N4BP1: variants seen among roughly 807,000 people sequenced by gnomAD.
N4BP1 encodes NEDD4-binding protein 1.
A neutral mutation model predicts 70.9 loss-of-function variants in N4BP1; 21 were observed. The ratio of observed to expected loss-of-function variants is 0.30; its 90% CI spans 0.21 to 0.43. The LOEUF is 0.43. Among genes scored for constraint, N4BP1 ranks in the 20% least tolerant of loss-of-function variants. The pLI is 1.00. For synonymous variants in N4BP1, 387 were observed against 394.6 expected (o/e 0.98, Z 0.23); for missense variants, 936 against 1,069.4 (o/e 0.88, Z 1.74).
At chr16:48,548,837 CAAA>C (rs34869645) in intron 4 of N4BP1, among the ~76,000 whole-genome samples, 11 of 71,730 alleles carry the variant, frequency 1.5e-4, no homozygotes, top group Admixed American at 3.3e-4. Context: ...GAGACTGCTT[CAAA>C]AAAAAAAAAA....
rs1964477443 is a variant in N4BP1 at position 48,600,400 on chromosome 16, A to AAT, written c.198+9373_198+9374dup. On this transcript the variant is annotated intron_variant, in intron 1 of 6. Coordinates refer to ENST00000262384, the MANE Select transcript of N4BP1 (RefSeq NM_153029.4). Reference sequence around the variant, plus strand: ...GAAAAACATAGAAATGAAACCATCAAATACCAGTGAGAGCTATGGAATAAA... The same window carrying AAT: ...GAAAAACATAGAAATGAAACCATCAAATATACCAGTGAGAGCTATGGAATAAA... 4 of 697,572 alleles carry AAT rather than the reference A, an allele frequency of 5.7e-6. No homozygotes were observed. In the Admixed American group the frequency reaches 7.2e-5, roughly 13 times the overall value. 43.2% of individuals were successfully genotyped at this position (697,572 alleles called of 1,614,324 possible).
At chr16:48,594,018 A>AC (rs1555499331) in intron 1 of N4BP1, among the ~76,000 whole-genome samples, 3 of 128,714 alleles carry the variant, frequency 2.3e-5, no homozygotes, top group African/African-American at 9.6e-5. Flanking sequence ...AAAAAAAAAA[A>AC]CAAAAAAAAA....
rs988231246 is a variant in N4BP1, at chr16:48,609,730, G to A, written c.198+45C>T. 5 of 1,297,480 alleles carry A rather than the reference G, an allele frequency of 3.9e-6. No homozygotes were observed. The African/African-American group carries it at 6.2e-5, about 16-fold the overall frequency. 80.4% of individuals were successfully genotyped at this position (1,297,480 alleles called of 1,614,324 possible). A position where few individuals can be genotyped will look rare whatever the true frequency, so the allele number is the denominator to read the frequency against. On this transcript the variant is annotated intron_variant, in intron 1 of 6. Coordinates refer to ENST00000262384, the MANE Select transcript of N4BP1 (RefSeq NM_153029.4). ...GGAGGAGCGGGAGCCCGGAGACCCG[G>A]ACCGATCGAGGCCGCGGGCGCGCGG...
chr16:48,594,213 T>C (rs1597111290), intron 1 of N4BP1, among the ~76,000 whole-genome samples: 1 of 152,308 alleles, frequency 6.6e-6, no homozygotes, highest in Admixed American at 6.5e-5. Flanking sequence ...GTTGGCATCA[T>C]GCTATCTTCA....
intron 1 of N4BP1, among the ~76,000 whole-genome samples, chr16:48,594,638 G>T (rs1964384896): frequency 6.6e-6 from 1 of 152,162 alleles, no homozygotes; most frequent in African/African-American, 2.4e-5. Flanking sequence ...TTATAGGTGT[G>T]AGCCACTGTG....
Position 48,540,814 on chromosome 16 carries a change from C to G in N4BP1, c.*2090G>C, listed in dbSNP as rs1963487197. 6.6e-6 allele frequency: 1 copy of G among 152,162 alleles called. No homozygotes were observed. Among genetic ancestry groups the G allele is most frequent in the African/African-American group, 2.4e-5 (1 of 41,432 alleles). 9.4% of individuals were successfully genotyped at this position (152,162 alleles called of 1,614,324 possible). A position where few individuals can be genotyped will look rare whatever the true frequency, so the allele number is the denominator to read the frequency against. ...GGCTAGTACTGGAGGAGGCTGAGAA[C>G]CAGTAATGAGTTCTTAATGGTTTGA... On this transcript the variant is annotated 3_prime_UTR_variant, in exon 7 of 7. Coordinates refer to ENST00000262384, the MANE Select transcript of N4BP1 (RefSeq NM_153029.4).
chr16:48,547,881 C>T, intron 5 of N4BP1, 126 bp downstream of exon 5: 1 of 649,442 alleles, frequency 1.5e-6, no homozygotes, highest in South Asian at 1.8e-5. Context: ...TCTTATGATA[C>T]TTTGGTCCCC....
At chr16:48,547,888 C>T (rs369280990) in intron 5 of N4BP1, 119 bp downstream of exon 5, 60 of 668,764 alleles carry the variant, frequency 9.0e-5, no homozygotes, top group South Asian at 6.9e-4. Context: ...ATACTTTGGT[C>T]CCCTATATTG....
intron 1 of N4BP1, among the ~76,000 whole-genome samples, chr16:48,565,614 C>T (rs1397896170): frequency 1.3e-5 from 2 of 152,162 alleles, no homozygotes; most frequent in South Asian, 2.1e-4. Context: ...TTTTTGTCTG[C>T]GTTTACCATC....
chr16:48,546,350 G>T, intron 5 of N4BP1, 96 bp from the exon 6 acceptor site: 1 of 747,554 alleles, frequency 1.3e-6, no homozygotes, highest in Non-Finnish European at 2.1e-6. Context: ...CCAAAGCAAC[G>T]GTCAGGTCAG....
intron 1 of N4BP1, among the ~76,000 whole-genome samples, chr16:48,568,325 A>G (rs1963970550): frequency 6.6e-6 from 1 of 152,228 alleles, no homozygotes; most frequent in Non-Finnish European, 1.5e-5. Context: ...CCTCTCTCCC[A>G]ATGTTAGGTT....
chr16:48,591,717 C>T (rs1964341860), intron 1 of N4BP1, among the ~76,000 whole-genome samples: 1 of 140,592 alleles, frequency 7.1e-6, no homozygotes. Context: ...AATTATTTCT[C>T]TACTTTGCCC....
At chr16:48,551,249 T>C (rs756602673) in intron 4 of N4BP1, 137 bp downstream of exon 4, 21 of 574,608 alleles carry the variant, frequency 3.7e-5, no homozygotes, top group Non-Finnish European at 6.7e-5. Context: ...TCACTGAGCA[T>C]ATCACCTTAA....
intron 2 of N4BP1, among the ~76,000 whole-genome samples, chr16:48,555,530 T>C (rs545240010): frequency 7.9e-5 from 12 of 152,362 alleles, no homozygotes; most frequent in African/African-American, 2.6e-4. Flanking sequence ...CAGAGGCTCT[T>C]ACCCCAGAAA....
intron 1 of N4BP1, among the ~76,000 whole-genome samples, chr16:48,609,458 T>G (rs1409006638): frequency 3.3e-5 from 5 of 152,132 alleles, no homozygotes; most frequent in Admixed American, 6.5e-5. Flanking sequence ...ACAGGCGACA[T>G]GCGCAGCGCA....
intron 2 of N4BP1, among the ~76,000 whole-genome samples, chr16:48,557,016 C>G (rs1245659689): frequency 6.6e-6 from 1 of 152,140 alleles, no homozygotes; most frequent in East Asian, 1.9e-4. Context: ...ACTTACTCAT[C>G]ATTTGACTCA....
intron 1 of N4BP1, among the ~76,000 whole-genome samples, chr16:48,599,396 A>G (rs1010283191): frequency 6.6e-6 from 1 of 152,222 alleles, no homozygotes; most frequent in African/African-American, 2.4e-5. Flanking sequence ...ACTCCCACAC[A>G]TCTTGTGTTA....
At chr16:48,560,076 T>G (rs1963830137) in intron 2 of N4BP1, among the ~76,000 whole-genome samples, 1 of 149,764 alleles carries the variant, frequency 6.7e-6, no homozygotes. Flanking sequence ...CACACTCTCC[T>G]TAGCCACGAT....
intron 1 of N4BP1, among the ~76,000 whole-genome samples, chr16:48,609,079 G>A (rs544360318): frequency 6.6e-6 from 1 of 151,502 alleles, no homozygotes; most frequent in Non-Finnish European, 1.5e-5. Context: ...GCCGGGCGTG[G>A]TGGCGCGCTC....
Sources: gnomAD v4.1 joint callset for allele counts (sites outside exome capture counted in the v4.1 genomes callset) on GRCh38, gnomAD v4.1.1 for gene constraint, MANE v1.5 for transcripts, NCBI Gene and HGNC (gene_info 2026-07-23, HGNC 2026-07-21) for gene names.